Variants in THNSL1 observed in about 807,000 individuals in gnomAD.
THNSL1 encodes threonine synthase-like 1.
THNSL1 carries 48 observed loss-of-function variants against 50.4 expected under a neutral mutation model. The observed-to-expected ratio is 0.95, with a 90% CI of 0.76 to 1.21. THNSL1 has a LOEUF of 1.21. Ranked by LOEUF, THNSL1 falls within the 50% of genes most tolerant of loss-of-function variation. THNSL1 has a pLI of 0.00. For synonymous variants in THNSL1, 309 were observed against 306.1 expected, an observed-to-expected ratio of 1.01 and a Z score of -0.10; for missense variants, 896 against 871.7, an observed-to-expected ratio of 1.03 and a Z score of -0.35.
At chr10:24,992,826 A>G in the THNSL1 span, among the ~76,000 whole-genome samples, 2,593 of 152,288 alleles carry the variant, frequency 0.017, 69 homozygotes, top group African/African-American at 0.059. Flanking sequence ...CAATACAAAT[A>G]GACTCTGGGA....
In THNSL1 at chr10:25,023,350, A is replaced by C. The variant is rs137957753; in HGVS notation, c.127A>C (p.Arg43=). 1,168 of 1,614,054 alleles carry C rather than the reference A, an allele frequency of 7.2e-4. 1 individual carries two copies. The highest frequency in any genetic ancestry group is 9.3e-4 in the Non-Finnish European group (1,095 of 1,180,012). ...LSRTFALAEL[R]KSWYSTHSLV... is the part of the protein sequence containing the mutation. ...AAGAACCTTTGCACTTGCGGAATTG[A>C]GGAAGTCATGGTATTCAACCCACTC... Residue 43 remains arginine (R), a synonymous_variant, in exon 3 of 3, where the codon AGG becomes CGG. Transcript: ENST00000376356.
chr10:24,956,622 T>C, the THNSL1 span, among the ~76,000 whole-genome samples: 1 of 152,188 alleles, frequency 6.6e-6, no homozygotes, highest in Non-Finnish European at 1.5e-5. Context: ...GTAATTAGCA[T>C]ACTCATCATC....
chr10:24,976,958 C>T, the THNSL1 span, among the ~76,000 whole-genome samples: 2 of 152,198 alleles, frequency 1.3e-5, no homozygotes, highest in Non-Finnish European at 2.9e-5. Context: ...AAATTCAACA[C>T]AGTGAGGCCA....
chr10:24,975,646 G>T, the THNSL1 span, among the ~76,000 whole-genome samples: 4 of 152,004 alleles, frequency 2.6e-5, no homozygotes, highest in Non-Finnish European at 5.9e-5. Context: ...TCCTACACAC[G>T]CTCTCTCACC....
chr10:24,962,688 T>C, the THNSL1 span, among the ~76,000 whole-genome samples: 2 of 152,214 alleles, frequency 1.3e-5, 1 homozygote, highest in South Asian at 4.1e-4. Flanking sequence ...CCATAGCCAT[T>C]GTATATGCCA....
chr10:24,952,871 G>A, the THNSL1 span, among the ~76,000 whole-genome samples: 1 of 151,744 alleles, frequency 6.6e-6, no homozygotes, highest in South Asian at 2.1e-4. The surrounding 1 kb of genome is among the most constrained non-coding windows in gnomAD (Gnocchi z 5.1). Context: ...GGCCGCCGCT[G>A]TCGCCGCCGC....
chr10:24,958,497 T>A, the THNSL1 span, among the ~76,000 whole-genome samples: 3 of 152,326 alleles, frequency 2.0e-5, no homozygotes, highest in East Asian at 3.9e-4. Flanking sequence ...ACAAAAGAAA[T>A]GTAGTGGCAA....
the THNSL1 span, among the ~76,000 whole-genome samples, chr10:24,959,372 G>T: frequency 1.1e-4 from 16 of 152,208 alleles, no homozygotes; most frequent in Admixed American, 5.2e-4. Flanking sequence ...TTGCATCTTA[G>T]AGTTAAGGTG....
At chr10:25,001,442 T>A in the THNSL1 span, among the ~76,000 whole-genome samples, 552 of 152,124 alleles carry the variant, frequency 3.6e-3, 5 homozygotes, top group African/African-American at 0.012. Context: ...ATTTGACAAT[T>A]TTTTTACCTT....
At chr10:24,961,648 A>G in the THNSL1 span, among the ~76,000 whole-genome samples, 1 of 152,112 alleles carries the variant, frequency 6.6e-6, no homozygotes, top group Admixed American at 6.5e-5. Flanking sequence ...ATTAGCTAAC[A>G]TATGTTAAAA....
chr10:25,005,231 T>C, the THNSL1 span, among the ~76,000 whole-genome samples: 111 of 152,298 alleles, frequency 7.3e-4, no homozygotes, highest in African/African-American at 2.6e-3. Flanking sequence ...ATTATTAGAA[T>C]TATGAGATAT....
rs984418998 is a variant in THNSL1 at position 25,026,210 on chromosome 10, C to T, written c.*755C>T. The T allele has an allele frequency of 6.0e-6, 1 of 166,718 alleles. No individual in the cohort carries two copies. The highest frequency in any genetic ancestry group is 1.5e-5 in the Non-Finnish European group (1 of 68,154). 10.3% of individuals were successfully genotyped at this position (166,718 alleles called of 1,614,324 possible). On this transcript the variant is annotated 3_prime_UTR_variant, in exon 3 of 3. Coordinates refer to ENST00000376356, the MANE Select transcript of THNSL1 (RefSeq NM_024838.5). Reference sequence around the variant, plus strand: ...AGTGTTTTTAACCCTCCTCAAATTCCATTTTGGACTACAACTAATGTGTAT... The same window carrying T: ...AGTGTTTTTAACCCTCCTCAAATTCTATTTTGGACTACAACTAATGTGTAT...
the THNSL1 span, among the ~76,000 whole-genome samples, chr10:24,969,804 A>G: frequency 6.6e-6 from 1 of 152,234 alleles, no homozygotes; most frequent in Non-Finnish European, 1.5e-5. Context: ...AAACTTTTGC[A>G]TCATCTTGAA....
At chr10:24,978,161 G>A in the THNSL1 span, among the ~76,000 whole-genome samples, 1 of 152,034 alleles carries the variant, frequency 6.6e-6, no homozygotes, top group Admixed American at 6.5e-5. Context: ...GGTATAATTG[G>A]TATTCACTTA....
the THNSL1 span, among the ~76,000 whole-genome samples, chr10:24,976,464 T>C: frequency 6.6e-6 from 1 of 152,256 alleles, no homozygotes; most frequent in Non-Finnish European, 1.5e-5. Flanking sequence ...ATATCATCTA[T>C]ACCTATAAAG....
the THNSL1 span, among the ~76,000 whole-genome samples, chr10:24,962,641 T>C: frequency 6.6e-6 from 1 of 152,226 alleles, no homozygotes; most frequent in South Asian, 2.1e-4. Flanking sequence ...GAAGTGGGCA[T>C]TGAATTTGGC....
chr10:24,993,500 A>G, the THNSL1 span, among the ~76,000 whole-genome samples: 15 of 152,216 alleles, frequency 9.9e-5, no homozygotes, highest in East Asian at 2.9e-3. Context: ...GCTTGTTTTC[A>G]GAAATTGTTT....
chr10:24,978,933 A>G, the THNSL1 span, among the ~76,000 whole-genome samples: 7 of 152,352 alleles, frequency 4.6e-5, no homozygotes, highest in South Asian at 1.4e-3. Flanking sequence ...CAAAAGTTAC[A>G]TAACTTGCTG....
At chr10:24,984,713 ATACTT>A in the THNSL1 span, 4 of 1,574,968 alleles carry the variant, frequency 2.5e-6, no homozygotes, top group African/African-American at 5.5e-5. Context: ...TGAAATTGTT[ATACTT>A]TAAAGATCCA....
Sources: allele counts gnomAD v4.1 joint callset (sites outside exome capture counted in the v4.1 genomes callset), GRCh38; gene constraint gnomAD v4.1.1; non-coding constraint Gnocchi (gnomAD v3.1); transcripts MANE v1.5; gene names NCBI Gene and HGNC (gene_info 2026-07-23, HGNC 2026-07-21).